The following ZC3H7B variants were observed in gnomAD, a reference collection of about 807,000 sequenced individuals.
ZC3H7B encodes the protein zinc finger CCCH-type containing 7B.
Under a neutral mutation model 116.0 loss-of-function variants are expected in ZC3H7B, and 35 were observed. The ratio of observed to expected loss-of-function variants is 0.30; its 90% confidence interval spans 0.23 to 0.40. ZC3H7B has a LOEUF of 0.40. Ranked by LOEUF, ZC3H7B falls within the 10% of genes least tolerant of loss-of-function variation. The pLI is 1.00. For synonymous variants in ZC3H7B, 502 were observed against 545.6 expected, an observed-to-expected ratio of 0.92 and a Z score of 1.11; for missense variants, 1,011 against 1,321.5, an observed-to-expected ratio of 0.77 and a Z score of 3.64.
rs116739905 is a variant in ZC3H7B at position 41,332,270 on chromosome 22, T to C, written c.582+43T>C. 1,130 of 1,610,624 alleles carry C rather than the reference T, an allele frequency of 7.0e-4. 9 individuals carry two copies. The African/African-American group carries it at 0.013, about 19-fold the overall frequency. On this transcript the variant is annotated intron_variant, in intron 7 of 22. Coordinates refer to ENST00000352645, the MANE Select transcript of ZC3H7B (RefSeq NM_017590.6). ...CCAACCTGTCTCAGTTTATCCATTA[T>C]GAGAGGTTTGGATTCACTCTCTCCG...
chr22:41,319,351 A>G (rs1036540944), intron 1 of ZC3H7B, among the ~76,000 whole-genome samples: 1 of 152,174 alleles, frequency 6.6e-6, no homozygotes, highest in African/African-American at 2.4e-5. Flanking sequence ...CAGTGAGCCA[A>G]GATCGCGCCA....
At chr22:41,347,454 A>G (rs966054906) in intron 14 of ZC3H7B, among the ~76,000 whole-genome samples, 11 of 144,972 alleles carry the variant, frequency 7.6e-5, no homozygotes, top group Admixed American at 7.2e-4. Flanking sequence ...CAGCAGCCCC[A>G]CTGAGCTGTT....
At chr22:41,316,909 C>T (rs1317504526) in intron 1 of ZC3H7B, among the ~76,000 whole-genome samples, 1 of 152,138 alleles carries the variant, frequency 6.6e-6, no homozygotes, top group Non-Finnish European at 1.5e-5. Flanking sequence ...GTGGCACAAT[C>T]TTCGCTCACT....
In ZC3H7B at chr22:41,327,112, G is replaced by A. The variant is rs2036328807; in HGVS notation, c.286-94G>A. The A allele has an allele frequency of 7.8e-6, 12 of 1,531,922 alleles. No homozygotes were observed. The highest frequency in any genetic ancestry group is 4.5e-5 in the East Asian group (2 of 44,188). The allele number at this position is 1,531,922 out of a possible 1,614,324, so 94.9% of individuals were successfully genotyped here. ...TCAGCTCCTCTGTCTCTGCCAGGAA[G>A]GGAAGCTGGTGTTCCTTCCTAGGCA... is the stretch of plus-strand genomic sequence containing the variant. On this transcript the variant is annotated intron_variant, in intron 4 of 22. Coordinates refer to ENST00000352645, the MANE Select transcript of ZC3H7B (RefSeq NM_017590.6). This position sits in a 1 kb window ranked among gnomAD's most constrained non-coding sequence, Gnocchi z 4.5.
At chr22:41,319,326 G>A (rs1290863329) in intron 1 of ZC3H7B, among the ~76,000 whole-genome samples, 4 of 152,066 alleles carry the variant, frequency 2.6e-5, no homozygotes, top group African/African-American at 4.8e-5. Context: ...GCTTGAACCC[G>A]GGAGGTGGAG....
At chr22:41,342,428 A>T in intron 11 of ZC3H7B, 101 bp from the exon 12 acceptor site, 1 of 1,076,306 alleles carries the variant, frequency 9.3e-7, no homozygotes. Flanking sequence ...TGGGTAGGAT[A>T]GGGGGGTCAT....
intron 6 of ZC3H7B, among the ~76,000 whole-genome samples, chr22:41,331,952 A>C (rs996444933): frequency 3.3e-5 from 5 of 152,126 alleles, no homozygotes; most frequent in Non-Finnish European, 7.4e-5. Flanking sequence ...GTGTGCAGGG[A>C]GGTCCTCTGC....
At chr22:41,329,720 C>T (rs1458206309) in intron 5 of ZC3H7B, among the ~76,000 whole-genome samples, 1 of 152,226 alleles carries the variant, frequency 6.6e-6, no homozygotes, top group Non-Finnish European at 1.5e-5. Flanking sequence ...TTCCCTTCTA[C>T]AGTGACATTG....
chr22:41,315,178 G>A (rs1211340569), intron 1 of ZC3H7B, among the ~76,000 whole-genome samples: 1 of 151,584 alleles, frequency 6.6e-6, no homozygotes, highest in Non-Finnish European at 1.5e-5. Flanking sequence ...GGTGAGCCCC[G>A]ATGTCACAAC....
chr22:41,327,399 TCAGAGGC>T lies in ZC3H7B; in HGVS notation c.444+39_444+45del. On this transcript the variant is annotated intron_variant, in intron 5 of 22. Coordinates refer to ENST00000352645, the MANE Select transcript of ZC3H7B (RefSeq NM_017590.6). The surrounding 1 kb of genome is among the most constrained non-coding windows in gnomAD (Gnocchi z 4.5). ...GCTCTGCAGCCACGCCGGTGCCTGC[TCAGAGGC>T]CAGGCTTCTGACCTTCCGGCCCTCA... is the stretch of plus-strand genomic sequence containing the variant. 6.3e-7 allele frequency: 1 copy of T among 1,599,706 alleles called. No individual in the cohort carries two copies.
chr22:41,357,318 A>G lies in ZC3H7B; in HGVS notation c.2823A>G (p.Pro941=). ...CTCGCAAGGACATGCTGCTGTGCCC[A>G]CGGGACGACGACTTTGGCAAATACA... The part of the protein sequence containing the change: ...AKARKDMLLC[P]RDDDFGKYNF... Residue 941 remains proline (P), a synonymous_variant, in exon 23 of 23, where the codon CCA becomes CCG. Coordinates refer to ENST00000352645, the MANE Select transcript of ZC3H7B (RefSeq NM_017590.6). The surrounding 1 kb of genome is among the most constrained non-coding windows in gnomAD (Gnocchi z 5.4). 1 of 1,613,762 alleles carries G rather than the reference A, an allele frequency of 6.2e-7. No homozygotes were observed.
chr22:41,339,809 C>G lies in ZC3H7B; in HGVS notation c.817-7C>G. 6.3e-7 allele frequency: 1 copy of G among 1,585,104 alleles called. No individual in the cohort carries two copies. The highest frequency in any genetic ancestry group is 2.2e-5 in the East Asian group (1 of 44,482). ...CTCTGACCCCTCCCTCTGTCCCTGC[C>G]TCATAGTCTCTGGTCCAGGGTGGCC... On this transcript the variant is annotated splice_polypyrimidine_tract_variant and splice_region_variant and intron_variant, in intron 9 of 22. Transcript: ENST00000352645.
rs559584422 is a variant in ZC3H7B at position 41,356,193 on chromosome 22, TGCCGGGCCCTCTCTGAG to T, written c.2383+135_2384-130del. On this transcript the variant is annotated intron_variant, in intron 20 of 22. Transcript: ENST00000352645. ...CCTGGGCCCTTCTCCACCTGCCCCA[TGCCGGGCCCTCTCTGAG>T]GCCAGGCCCTGAGGCTGAGCGGCCT... 2.2e-5 allele frequency: 32 copies of T among 1,473,458 alleles called. No homozygotes were observed. The South Asian group carries it at 4.2e-4, about 19-fold the overall frequency. 91.3% of individuals were successfully genotyped at this position (1,473,458 alleles called of 1,614,324 possible).
rs750907601 is a variant in ZC3H7B, at chr22:41,332,236, G to A, written c.582+9G>A. 40 of 1,614,122 alleles carry A rather than the reference G, an allele frequency of 2.5e-5. No homozygotes were observed. The highest frequency in any genetic ancestry group is 2.9e-5 in the Non-Finnish European group (34 of 1,179,966). On this transcript the variant is annotated intron_variant, in intron 7 of 22. Transcript: ENST00000352645. ...CTGGCGTGGCAGATCAGGTAGGATC[G>A]GGGCTGAACCAACCTGTCTCAGTTT...
intron 1 of ZC3H7B, among the ~76,000 whole-genome samples, chr22:41,311,597 T>C (rs111896440): frequency 6.6e-6 from 1 of 151,922 alleles, no homozygotes. Context: ...GCCTGGGTGT[T>C]GGACTTCCAG....
intron 2 of ZC3H7B, among the ~76,000 whole-genome samples, chr22:41,324,542 T>G (rs1177536189): frequency 2.6e-5 from 4 of 152,188 alleles, no homozygotes; most frequent in African/African-American, 9.6e-5. Flanking sequence ...AAGCCCAGCT[T>G]CCCTTCCAGC....
rs569319043 is a variant in ZC3H7B, at chr22:41,321,979, A to T, written c.53+1266A>T. On this transcript the variant is annotated intron_variant, in intron 2 of 22. Coordinates refer to ENST00000352645, the MANE Select transcript of ZC3H7B (RefSeq NM_017590.6). ...CTCAGCCTCCCAAGTAGCTGGGACT[A>T]CAGGCGCCCGCCACTACGCCCGGCT... Among the ~76,000 whole-genome samples, 80 of 147,814 alleles carry T rather than the reference A, an allele frequency of 5.4e-4. 3 individuals carry two copies. In the South Asian group the frequency reaches 0.016, roughly 30 times the overall value.
chr22:41,326,420 G>T (rs1028552317), intron 4 of ZC3H7B, among the ~76,000 whole-genome samples: 1 of 134,670 alleles, frequency 7.4e-6, no homozygotes, highest in Non-Finnish European at 1.5e-5. Flanking sequence ...CATAGCCTCA[G>T]CCTCCTCACT....
chr22:41,327,511 A>G lies in ZC3H7B; in HGVS notation c.444+147A>G, dbSNP rs2145916921. On this transcript the variant is annotated intron_variant, in intron 5 of 22. Coordinates refer to ENST00000352645, the MANE Select transcript of ZC3H7B (RefSeq NM_017590.6). This position sits in a 1 kb window ranked among gnomAD's most constrained non-coding sequence, Gnocchi z 4.5. ...CCATGCAGATCCTGATGTTAACACT[A>G]GCTCCCATTCTCTGAGCGCTGACTG... 1.8e-6 allele frequency: 2 copies of G among 1,113,174 alleles called. No homozygotes were observed. The highest frequency in any genetic ancestry group is 1.5e-5 in the South Asian group (1 of 64,902). The allele number at this position is 1,113,174 out of a possible 1,614,324, so 69.0% of individuals were successfully genotyped here. A position where few individuals can be genotyped will look rare whatever the true frequency, so the allele number is the denominator to read the frequency against.
Sources: gnomAD v4.1 joint callset for allele counts (sites outside exome capture counted in the v4.1 genomes callset) on GRCh38, gnomAD v4.1.1 for gene constraint, Gnocchi (gnomAD v3.1) non-coding constraint, MANE v1.5 for transcripts, NCBI Gene and HGNC (gene_info 2026-07-23, HGNC 2026-07-21) for gene names.